The following PARD3 variants were observed in gnomAD, a reference collection of about 807,000 sequenced individuals.
PARD3 encodes the protein partitioning defective 3 homolog.
In PARD3, 75 loss-of-function variants were observed where a neutral mutation model predicts 155.4. The observed-to-expected ratio is 0.48, with a 90% CI of 0.40 to 0.58. The LOEUF is 0.58. Among genes scored for constraint, PARD3 ranks in the 20% least tolerant of loss-of-function variants. PARD3 has a pLI of 0.00. For missense variants in PARD3, 1,642 were observed against 1,721.7 expected, an observed-to-expected ratio of 0.95 and a Z score of 0.82; for synonymous variants, 576 against 610.5, an observed-to-expected ratio of 0.94 and a Z score of 0.83.
Position 34,594,536 on chromosome 10 carries a change from G to GA in PARD3, c.223-77378_223-77377insT, listed in dbSNP as rs1554780374. 2.4e-3 allele frequency among the ~76,000 whole-genome samples: 361 copies of GA among 152,278 alleles called. 1 individual carries two copies. The highest frequency in any genetic ancestry group is 7.9e-3 in the African/African-American group (329 of 41,554). On this transcript the variant is annotated intron_variant, in intron 2 of 24. Coordinates refer to ENST00000374788, the MANE Select transcript of PARD3 (RefSeq NM_001184785.2). ...CCAGAAAACCTCAAGAATGGAGTAAGTGATGCCAGGAATTACGACGACAGG... is the reference window on the plus strand; with the variant it reads ...CCAGAAAACCTCAAGAATGGAGTAAGATGATGCCAGGAATTACGACGACAGG...
intron 22 of PARD3, among the ~76,000 whole-genome samples, chr10:34,132,009 A>G (rs903049269): frequency 3.3e-5 from 5 of 152,198 alleles, no homozygotes; most frequent in Non-Finnish European, 5.9e-5. Context: ...TATGAAGTAG[A>G]GATAATAATT....
intron 10 of PARD3, among the ~76,000 whole-genome samples, chr10:34,375,383 A>C (rs932043872): frequency 6.6e-6 from 1 of 152,164 alleles, no homozygotes; most frequent in Non-Finnish European, 1.5e-5. Flanking sequence ...GTTTTCTTAC[A>C]CCAAAATAAA....
chr10:34,598,240 A>T (rs1403807590), intron 2 of PARD3, among the ~76,000 whole-genome samples: 1 of 152,210 alleles, frequency 6.6e-6, no homozygotes, highest in Non-Finnish European at 1.5e-5. Flanking sequence ...CGCAGAATAA[A>T]AGTGAGCCTA....
Position 34,142,522 on chromosome 10 carries a change from G to A in PARD3, c.3420-10939C>T, listed in dbSNP as rs191170005. On this transcript the variant is annotated intron_variant, in intron 22 of 24. Transcript: ENST00000374788. ...TGCACTCTAGCCTGGGTGAAAGACC[G>A]AGACTCTGTCAAAGAAAAAGAAAGA... Among the ~76,000 whole-genome samples, 4 of 151,492 alleles carry A rather than the reference G, an allele frequency of 2.6e-5. 1 individual carries two copies. Among genetic ancestry groups the A allele is most frequent in the Non-Finnish European group, 2.9e-5 (2 of 67,904 alleles).
At chr10:34,804,410 G>C (rs12265341) in intron 1 of PARD3, among the ~76,000 whole-genome samples, 3,287 of 152,254 alleles carry the variant, frequency 0.022, 115 homozygotes, top group African/African-American at 0.076. Context: ...CAAATCCTAT[G>C]TTCAACATTA....
At chr10:34,225,163 C>T (rs1035439358) in intron 22 of PARD3, among the ~76,000 whole-genome samples, 2 of 152,092 alleles carry the variant, frequency 1.3e-5, no homozygotes, top group African/African-American at 2.4e-5. Context: ...CAGACATATA[C>T]ACATCATGAC....
At chr10:34,345,837 T>A (rs1184397717) in intron 15 of PARD3, 2 of 985,238 alleles carry the variant, frequency 2.0e-6, no homozygotes, top group African/African-American at 3.5e-5. Context: ...TTGCATTTGA[T>A]TCTTACGGCC....
At chr10:34,629,259 C>T (rs1203982221) in intron 2 of PARD3, among the ~76,000 whole-genome samples, 1 of 152,164 alleles carries the variant, frequency 6.6e-6, no homozygotes, top group Non-Finnish European at 1.5e-5. Context: ...TTCAATAAAA[C>T]CTGTTAAAAT....
intron 16 of PARD3, among the ~76,000 whole-genome samples, chr10:34,341,112 G>C (rs1836768944): frequency 6.6e-6 from 1 of 150,508 alleles, no homozygotes; most frequent in Admixed American, 6.6e-5. Context: ...GAAAATAGCA[G>C]GGAGTGCCCC....
intron 2 of PARD3, among the ~76,000 whole-genome samples, chr10:34,677,866 C>T (rs1011052463): frequency 1.3e-5 from 2 of 152,042 alleles, no homozygotes; most frequent in African/African-American, 4.8e-5. Flanking sequence ...ATTTTATGTG[C>T]AGGGTAATCT....
intron 22 of PARD3, among the ~76,000 whole-genome samples, chr10:34,206,856 T>A (rs1303055186): frequency 3.9e-5 from 6 of 152,238 alleles, no homozygotes; most frequent in African/African-American, 1.2e-4. Flanking sequence ...TTTCAACCAG[T>A]CTTCAGTCTG....
At chr10:34,369,496 A>G (rs568653577) in intron 12 of PARD3, among the ~76,000 whole-genome samples, 1 of 152,286 alleles carries the variant, frequency 6.6e-6, no homozygotes, top group Admixed American at 6.5e-5. Context: ...TAATCCACAT[A>G]AAGAGTTTCA....
intron 20 of PARD3, among the ~76,000 whole-genome samples, chr10:34,295,445 T>C (rs1385906447): frequency 6.6e-6 from 1 of 152,230 alleles, no homozygotes; most frequent in Non-Finnish European, 1.5e-5. Context: ...AACTGTCACG[T>C]CTGCACTGCC....
At chr10:34,227,854 TTTTATA>T (rs60660969) in intron 22 of PARD3, among the ~76,000 whole-genome samples, 2,531 of 26,494 alleles carry the variant, frequency 0.096, 334 homozygotes, top group African/African-American at 0.18. Context: ...GGGAATTATT[TTTTATA>T]TATATATATA....
At chr10:34,534,874 T>TGATG (rs1270604664) in intron 2 of PARD3, among the ~76,000 whole-genome samples, 1 of 152,108 alleles carries the variant, frequency 6.6e-6, no homozygotes, top group Non-Finnish European at 1.5e-5. Flanking sequence ...TAGCCAAGCA[T>TGATG]GATGGTGCAT....
chr10:34,750,792 G>A (rs1835934506), intron 1 of PARD3, among the ~76,000 whole-genome samples: 1 of 151,224 alleles, frequency 6.6e-6, no homozygotes, highest in Non-Finnish European at 1.5e-5. Flanking sequence ...GGGTTCAAGT[G>A]ATTCTCCTGC....
At chr10:34,488,083 C>T (rs1317138636) in intron 3 of PARD3, among the ~76,000 whole-genome samples, 1 of 152,124 alleles carries the variant, frequency 6.6e-6, no homozygotes, top group Non-Finnish European at 1.5e-5. Flanking sequence ...TAGCAATTTG[C>T]CAATTTCATT....
intron 2 of PARD3, among the ~76,000 whole-genome samples, chr10:34,689,641 G>T (rs2094013843): frequency 1.3e-5 from 2 of 151,976 alleles, no homozygotes; most frequent in Non-Finnish European, 1.5e-5. Flanking sequence ...CAGGTTAAAG[G>T]ACATTTTAAT....
chr10:34,627,178 C>T (rs536701154), intron 2 of PARD3, among the ~76,000 whole-genome samples: 43 of 152,246 alleles, frequency 2.8e-4, no homozygotes, highest in African/African-American at 1.0e-3. Flanking sequence ...CAGGCATGTG[C>T]CACCACAACA....
Sources: gnomAD v4.1 joint callset for allele counts (sites outside exome capture counted in the v4.1 genomes callset) on GRCh38, gnomAD v4.1.1 for gene constraint, MANE v1.5 for transcripts, NCBI Gene and HGNC (gene_info 2026-07-23, HGNC 2026-07-21) for gene names.